The following SLC24A2 variants were observed in gnomAD, a reference collection of about 807,000 sequenced individuals.
SLC24A2 encodes the protein sodium/potassium/calcium exchanger 2.
Under a neutral mutation model 62.0 loss-of-function variants are expected in SLC24A2, and 36 were observed. The ratio of observed to expected loss-of-function variants is 0.58; its 90% CI spans 0.44 to 0.77. SLC24A2 has a LOEUF of 0.77. SLC24A2 is among the 30% of genes least tolerant of loss of function. SLC24A2 has a pLI of 0.00. For missense variants in SLC24A2, 846 were observed against 817.9 expected (o/e 1.03, Z -0.42); for synonymous variants, 358 against 294.0 (o/e 1.22, Z -2.23).
the SLC24A2 span, among the ~76,000 whole-genome samples, chr9:20,278,077 G>T: frequency 6.6e-6 from 1 of 152,046 alleles, no homozygotes; most frequent in East Asian, 1.9e-4. Flanking sequence ...CACACGCCAG[G>T]GTCTGTCGTG....
At chr9:19,835,816 A>G in the SLC24A2 span, among the ~76,000 whole-genome samples, 6 of 152,220 alleles carry the variant, frequency 3.9e-5, no homozygotes, top group Non-Finnish European at 5.9e-5. Context: ...AATTGACCAC[A>G]TAGTTGGAAG....
At chr9:20,059,725 C>A in the SLC24A2 span, among the ~76,000 whole-genome samples, 5 of 151,882 alleles carry the variant, frequency 3.3e-5, no homozygotes, top group African/African-American at 1.2e-4. Context: ...AATTGAGAAC[C>A]CTATTTTACA....
the SLC24A2 span, among the ~76,000 whole-genome samples, chr9:20,065,735 G>A: frequency 2.0e-5 from 3 of 152,092 alleles, no homozygotes; most frequent in Non-Finnish European, 4.4e-5. Flanking sequence ...GCAGATATGG[G>A]ATTTAAATTC....
intron 5 of SLC24A2, among the ~76,000 whole-genome samples, chr9:19,591,395 C>G (rs1836544062): frequency 1.3e-5 from 2 of 152,184 alleles, no homozygotes; most frequent in Admixed American, 1.3e-4. Flanking sequence ...GTTGCCTATC[C>G]AATATCTATT....
intron 2 of SLC24A2, among the ~76,000 whole-genome samples, chr9:19,734,348 C>A (rs200220877): frequency 2.3e-3 from 349 of 152,146 alleles, no homozygotes; most frequent in African/African-American, 7.7e-3. Context: ...CTTTTGGCTT[C>A]GGATTGACTT....
chr9:19,776,822 G>A (rs746389179), intron 2 of SLC24A2, among the ~76,000 whole-genome samples: 1 of 152,146 alleles, frequency 6.6e-6, no homozygotes, highest in Non-Finnish European at 1.5e-5. Context: ...AATATTCCAC[G>A]TTGTAAATAT....
At chr9:20,262,857 G>C in the SLC24A2 span, among the ~76,000 whole-genome samples, 1 of 151,528 alleles carries the variant, frequency 6.6e-6, no homozygotes, top group Non-Finnish European at 1.5e-5. Context: ...CCACTGCCAT[G>C]TGTGCCTTTC....
the SLC24A2 span, among the ~76,000 whole-genome samples, chr9:20,067,857 G>A: frequency 7.2e-5 from 11 of 152,226 alleles, no homozygotes; most frequent in African/African-American, 2.6e-4. Flanking sequence ...ATCAGCATAT[G>A]TGTCTGTTTG....
chr9:19,749,432 G>A (rs946079262), intron 2 of SLC24A2, among the ~76,000 whole-genome samples: 1 of 152,108 alleles, frequency 6.6e-6, no homozygotes, highest in African/African-American at 2.4e-5. Context: ...AGACAAAACT[G>A]AGTTTATTGC....
chr9:20,133,688 C>T, the SLC24A2 span, among the ~76,000 whole-genome samples: 1 of 151,992 alleles, frequency 6.6e-6, no homozygotes, highest in African/African-American at 2.4e-5. Context: ...GTATACATTG[C>T]CAAAGTTACT....
chr9:20,117,480 C>G, the SLC24A2 span, among the ~76,000 whole-genome samples: 1 of 152,088 alleles, frequency 6.6e-6, no homozygotes, highest in East Asian at 1.9e-4. Flanking sequence ...TGTAATAAAC[C>G]TGCTAAGAGA....
chr9:19,826,338 A>G, the SLC24A2 span, among the ~76,000 whole-genome samples: 3 of 152,130 alleles, frequency 2.0e-5, no homozygotes, highest in Non-Finnish European at 4.4e-5. Flanking sequence ...ACTAGAGTGA[A>G]TGGGATATCC....
chr9:20,142,130 G>A, the SLC24A2 span, among the ~76,000 whole-genome samples: 1 of 151,980 alleles, frequency 6.6e-6, no homozygotes, highest in Non-Finnish European at 1.5e-5. Flanking sequence ...TGAAATAGGT[G>A]TAGAAGACTT....
intron 5 of SLC24A2, among the ~76,000 whole-genome samples, chr9:19,596,412 G>T (rs1836704215): frequency 6.6e-6 from 1 of 152,074 alleles, no homozygotes; most frequent in African/African-American, 2.4e-5. Context: ...TTTTTAAAAA[G>T]TCGCAGTATG....
intron 4 of SLC24A2, among the ~76,000 whole-genome samples, chr9:19,613,839 G>A (rs1007811129): frequency 2.6e-5 from 4 of 152,146 alleles, no homozygotes; most frequent in African/African-American, 7.2e-5. Context: ...GGCAGATACA[G>A]GTTCAAATTC....
the SLC24A2 span, among the ~76,000 whole-genome samples, chr9:19,915,625 A>C: frequency 6.6e-6 from 1 of 152,092 alleles, no homozygotes; most frequent in East Asian, 1.9e-4. Context: ...TGATGATGAT[A>C]GTAGTTCTAG....
rs912688595 is a variant in SLC24A2 at position 19,649,990 on chromosome 9, T to A, written c.931-27691A>T. Among the ~76,000 whole-genome samples, 6 of 152,074 alleles carry A rather than the reference T, an allele frequency of 3.9e-5. 1 individual carries two copies. The highest frequency in any genetic ancestry group is 2.0e-4 in the Admixed American group (3 of 15,270). On this transcript the variant is annotated intron_variant, in intron 2 of 10. Coordinates refer to ENST00000341998, the MANE Select transcript of SLC24A2 (RefSeq NM_020344.4). ...AAAGCTCTAAAAGCAGACTGCGGGG[T>A]TGAATTCTAACTCTGGCGGGGTACA...
chr9:20,186,558 G>A, the SLC24A2 span, among the ~76,000 whole-genome samples: 1 of 152,046 alleles, frequency 6.6e-6, no homozygotes, highest in Non-Finnish European at 1.5e-5. Context: ...ACCTACTTTT[G>A]CTGTTGATTC....
chr9:19,915,580 T>A, the SLC24A2 span, among the ~76,000 whole-genome samples: 1 of 152,132 alleles, frequency 6.6e-6, no homozygotes, highest in African/African-American at 2.4e-5. Context: ...TTTATCCATA[T>A]CCTTACCAAC....
Sources: allele counts gnomAD v4.1 joint callset (sites outside exome capture counted in the v4.1 genomes callset), GRCh38; gene constraint gnomAD v4.1.1; transcripts MANE v1.5; gene names NCBI Gene and HGNC (gene_info 2026-07-23, HGNC 2026-07-21).